The following CADM2 variants were observed in gnomAD, a reference collection of about 807,000 sequenced individuals.
CADM2 encodes immunoglobulin superfamily member 4D.
In CADM2, 12 loss-of-function variants were observed where a neutral mutation model predicts 49.8. The observed-to-expected ratio is 0.24, with a 90% CI of 0.15 to 0.39. CADM2 has a LOEUF of 0.39. Ranked by LOEUF, CADM2 falls within the 10% of genes least tolerant of loss-of-function variation. CADM2 has a pLI of 1.00. For missense variants in CADM2, 378 were observed against 492.3 expected (o/e 0.77, Z 2.20); for synonymous variants, 214 against 175.4 (o/e 1.22, Z -1.74).
intron 1 of CADM2, among the ~76,000 whole-genome samples, chr3:85,299,993 C>G (rs1441336737): frequency 6.6e-6 from 1 of 152,050 alleles, no homozygotes; most frequent in Non-Finnish European, 1.5e-5. Flanking sequence ...TACTAGATTA[C>G]TAACAAAGAT....
At chr3:85,369,409 G>A (rs2033031846) in intron 1 of CADM2, among the ~76,000 whole-genome samples, 1 of 152,148 alleles carries the variant, frequency 6.6e-6, no homozygotes, top group Non-Finnish European at 1.5e-5. Context: ...GAGTTGGGCG[G>A]ATCACCTGAG....
At chr3:85,322,742 T>C (rs2044647399) in intron 1 of CADM2, among the ~76,000 whole-genome samples, 2 of 152,186 alleles carry the variant, frequency 1.3e-5, no homozygotes. Context: ...GTAAAAGGGC[T>C]CTCTCTGTGC....
chr3:85,476,340 A>G (rs1341615972), intron 1 of CADM2, among the ~76,000 whole-genome samples: 3 of 151,940 alleles, frequency 2.0e-5, no homozygotes, highest in Non-Finnish European at 4.4e-5. Context: ...TCCCTGTATT[A>G]AACTCTAAAT....
chr3:85,395,082 G>A (rs920101026), intron 1 of CADM2, among the ~76,000 whole-genome samples: 2 of 151,228 alleles, frequency 1.3e-5, no homozygotes, highest in African/African-American at 2.4e-5. Flanking sequence ...CCCAAATAAC[G>A]AATGCACGCC....
intron 3 of CADM2, among the ~76,000 whole-genome samples, chr3:85,813,043 A>G (rs2072981300): frequency 6.6e-6 from 1 of 152,214 alleles, no homozygotes; most frequent in South Asian, 2.1e-4. Flanking sequence ...AGAATAATTT[A>G]TAATCCTTTG....
Position 85,218,624 on chromosome 3 carries a change from T to C in CADM2, c.61+258956T>C, listed in dbSNP as rs1006776160. ...CATTCTGGCCAACATGGTGAAAACC[T>C]GTCTCTGCTAAAAACACAAAAATTA... On this transcript the variant is annotated intron_variant, in intron 1 of 9. Coordinates refer to ENST00000383699, the MANE Select transcript of CADM2 (RefSeq NM_001167675.2). 5.3e-5 allele frequency among the ~76,000 whole-genome samples: 8 copies of C among 152,002 alleles called. No individual in the cohort carries two copies. The South Asian group carries it at 1.7e-3, about 32-fold the overall frequency.
intron 3 of CADM2, among the ~76,000 whole-genome samples, chr3:85,855,437 C>T (rs2075268515): frequency 6.6e-6 from 1 of 151,602 alleles, no homozygotes; most frequent in African/African-American, 2.4e-5. Flanking sequence ...GGTTCTAATC[C>T]AGTGATATGT....
chr3:86,028,201 T>C (rs1170356817), intron 8 of CADM2, among the ~76,000 whole-genome samples: 1 of 130,354 alleles, frequency 7.7e-6, no homozygotes, highest in Admixed American at 7.9e-5. Context: ...TAAAGTATAA[T>C]AAATAAATAA....
chr3:85,656,015 T>G (rs922989715), intron 1 of CADM2, among the ~76,000 whole-genome samples: 25 of 152,232 alleles, frequency 1.6e-4, no homozygotes, highest in African/African-American at 6.0e-4. Flanking sequence ...ATTTAAGCTC[T>G]TTGTTCCCTA....
intron 1 of CADM2, among the ~76,000 whole-genome samples, chr3:85,648,818 G>T (rs781079378): frequency 6.6e-6 from 1 of 151,960 alleles, no homozygotes; most frequent in African/African-American, 2.4e-5. Flanking sequence ...TGAAAGCCAT[G>T]TAATATTCAT....
chr3:85,565,953 T>C (rs969595379), intron 1 of CADM2, among the ~76,000 whole-genome samples: 5 of 152,086 alleles, frequency 3.3e-5, no homozygotes, highest in Non-Finnish European at 5.9e-5. Flanking sequence ...GAATGTACAG[T>C]ATGAAAGATG....
At chr3:85,007,303 A>T (rs1030165701) in intron 1 of CADM2, among the ~76,000 whole-genome samples, 1 of 152,152 alleles carries the variant, frequency 6.6e-6, no homozygotes, top group African/African-American at 2.4e-5. Context: ...TTTTCTGTAC[A>T]GGGAAAAATA....
chr3:85,918,205 T>G (rs905327341), intron 6 of CADM2, among the ~76,000 whole-genome samples: 1 of 152,100 alleles, frequency 6.6e-6, no homozygotes, highest in Non-Finnish European at 1.5e-5. Context: ...ATAGGGGTGG[T>G]GAGAGAAGGC....
chr3:85,450,158 AC>A (rs2037687800), intron 1 of CADM2, among the ~76,000 whole-genome samples: 1 of 152,138 alleles, frequency 6.6e-6, no homozygotes, highest in African/African-American at 2.4e-5. Context: ...CTAAAGACGA[AC>A]CCTTGCATAT....
intron 1 of CADM2, among the ~76,000 whole-genome samples, chr3:84,977,558 C>T (rs570291357): frequency 1.4e-4 from 21 of 151,996 alleles, no homozygotes; most frequent in African/African-American, 5.1e-4. Context: ...TCTATGTTGG[C>T]ATTAATATGA....
intron 3 of CADM2, among the ~76,000 whole-genome samples, chr3:85,851,611 C>T (rs73847405): frequency 0.077 from 11,414 of 148,600 alleles, 678 homozygotes; most frequent in African/African-American, 0.16. Context: ...TTACTGAAAT[C>T]AGTTTTCTAC....
chr3:85,330,057 C>T (rs1056054756), intron 1 of CADM2, among the ~76,000 whole-genome samples: 1 of 152,064 alleles, frequency 6.6e-6, no homozygotes, highest in Non-Finnish European at 1.5e-5. Context: ...TATTTTAAGA[C>T]GTGGTAGAAA....
At chr3:85,328,593 T>C (rs1337514249) in intron 1 of CADM2, among the ~76,000 whole-genome samples, 1 of 152,156 alleles carries the variant, frequency 6.6e-6, no homozygotes, top group Admixed American at 6.5e-5. Context: ...ATCAATCAAC[T>C]TTTAATACAA....
At chr3:85,680,007 A>G (rs1405444261) in intron 1 of CADM2, among the ~76,000 whole-genome samples, 2 of 152,154 alleles carry the variant, frequency 1.3e-5, no homozygotes, top group Middle Eastern at 6.3e-3. Context: ...CCCATAAAAC[A>G]TTAAAAAATA....
Sources: gnomAD v4.1 joint callset for allele counts (sites outside exome capture counted in the v4.1 genomes callset) on GRCh38, gnomAD v4.1.1 for gene constraint, MANE v1.5 for transcripts, NCBI Gene and HGNC (gene_info 2026-07-23, HGNC 2026-07-21) for gene names.